Variants in RNF217 observed in about 807,000 individuals in gnomAD.
The protein encoded by RNF217 is ring finger protein 217.
Under a neutral mutation model 57.8 loss-of-function variants are expected in RNF217, and 31 were observed. The ratio of observed to expected loss-of-function variants is 0.54; its 90% CI spans 0.40 to 0.72. RNF217 has a LOEUF of 0.72. RNF217 is among the 30% of genes least tolerant of loss of function. RNF217 has a pLI of 0.00. For synonymous variants in RNF217, 313 were observed against 294.0 expected (o/e 1.06, Z -0.66); for missense variants, 696 against 708.3 (o/e 0.98, Z 0.20).
intron 1 of RNF217, among the ~76,000 whole-genome samples, chr6:125,043,886 A>G (rs1786984733): frequency 6.6e-6 from 1 of 152,016 alleles, no homozygotes; most frequent in African/African-American, 2.4e-5. Context: ...GTCAATACTA[A>G]TAAGGAGAAT....
At chr6:124,995,917 G>A (rs1479972433) in intron 1 of RNF217, among the ~76,000 whole-genome samples, 1 of 151,696 alleles carries the variant, frequency 6.6e-6, no homozygotes, top group Non-Finnish European at 1.5e-5. Context: ...CAAGACTCTT[G>A]TCTCAAAAAA....
chr6:125,040,505 C>G (rs1264927764), intron 1 of RNF217, among the ~76,000 whole-genome samples: 2 of 152,146 alleles, frequency 1.3e-5, no homozygotes. Context: ...TGAATTCTAC[C>G]AGAGGTACAG....
Position 125,027,033 on chromosome 6 carries a change from A to T in RNF217, c.883-18178A>T, listed in dbSNP as rs140414860. On this transcript the variant is annotated intron_variant, in intron 1 of 5. Coordinates refer to ENST00000521654, the MANE Select transcript of RNF217 (RefSeq NM_001286398.3). The stretch of plus-strand genomic sequence containing the variant: ...TATTTTTTAACATTTTTGTGGGTAC[A>T]TAGTAGGTGTATATATTTATGGAAT... 2.6e-3 allele frequency among the ~76,000 whole-genome samples: 397 copies of T among 151,996 alleles called. 3 individuals are homozygous for T. Among genetic ancestry groups the T allele is most frequent in the African/African-American group, 9.2e-3 (380 of 41,440 alleles).
Position 125,086,968 on chromosome 6 carries a change from A to T in RNF217, c.*4031A>T, listed in dbSNP as rs1357683133. 1 of 152,096 alleles carries T rather than the reference A, an allele frequency of 6.6e-6. No homozygotes were observed. Among genetic ancestry groups the T allele is most frequent in the Non-Finnish European group, 1.5e-5 (1 of 68,014 alleles). The allele number at this position is 152,096 out of a possible 1,614,324, so 9.4% of individuals were successfully genotyped here. On this transcript the variant is annotated 3_prime_UTR_variant, in exon 6 of 6. Transcript: ENST00000521654. ...TCCTAAAATACCTATGAACCACTGT[A>T]ATCATTTCCAGTCCCTGATGCCCCT...
intron 3 of RNF217, among the ~76,000 whole-genome samples, chr6:125,064,155 A>G (rs1415707857): frequency 6.6e-6 from 1 of 152,142 alleles, no homozygotes; most frequent in African/African-American, 2.4e-5. Flanking sequence ...GAGGCTGACT[A>G]CTTTCAAATA....
intron 1 of RNF217, among the ~76,000 whole-genome samples, chr6:124,969,191 C>T (rs567374488): frequency 5.3e-5 from 8 of 152,144 alleles, no homozygotes; most frequent in African/African-American, 1.9e-4. Context: ...AAATCTATTA[C>T]TTATTTCTTA....
chr6:125,009,226 G>A (rs370419265), intron 1 of RNF217: 5 of 1,605,658 alleles, frequency 3.1e-6, no homozygotes, highest in Non-Finnish European at 4.3e-6. Context: ...CAAAGCTGTT[G>A]TATAATTAGT....
intron 2 of RNF217, among the ~76,000 whole-genome samples, chr6:125,052,066 G>A (rs1787338809): frequency 6.6e-6 from 1 of 152,040 alleles, no homozygotes; most frequent in African/African-American, 2.4e-5. Context: ...ATTAGGGAGA[G>A]AGTACTTTTT....
intron 1 of RNF217, among the ~76,000 whole-genome samples, chr6:124,976,781 A>G (rs767561535): frequency 1.3e-5 from 2 of 152,206 alleles, no homozygotes; most frequent in South Asian, 2.1e-4. Flanking sequence ...CTGGGATTAC[A>G]GGTGTGAGCC....
chr6:125,047,539 T>C lies in RNF217; in HGVS notation c.1116+2095T>C, dbSNP rs192530576. On this transcript the variant is annotated intron_variant, in intron 2 of 5. Coordinates refer to ENST00000521654, the MANE Select transcript of RNF217 (RefSeq NM_001286398.3). ...CCAATGTCTATCAATTTGTTGTAGG[T>C]AAGAAGAGAAGCAGGGGCAAATGGA... is the stretch of plus-strand genomic sequence containing the variant. 1.2e-4 allele frequency among the ~76,000 whole-genome samples: 18 copies of C among 152,166 alleles called. 1 individual carries two copies. The highest frequency in any genetic ancestry group is 3.3e-4 in the Admixed American group (5 of 15,266).
intron 3 of RNF217, among the ~76,000 whole-genome samples, chr6:125,073,617 T>C (rs1246222117): frequency 6.6e-6 from 1 of 152,136 alleles, no homozygotes. Flanking sequence ...TCATGATTTG[T>C]TGGTAACTCT....
At chr6:124,965,084 T>A (rs1208310924) in intron 1 of RNF217, among the ~76,000 whole-genome samples, 1 of 152,132 alleles carries the variant, frequency 6.6e-6, no homozygotes, top group Non-Finnish European at 1.5e-5. Context: ...ACCTCATAAG[T>A]TAGTTTTAGG....
intron 1 of RNF217, among the ~76,000 whole-genome samples, chr6:124,968,073 T>C (rs7750072): frequency 0.58 from 88,844 of 152,034 alleles, 26,866 homozygotes; most frequent in East Asian, 0.74. Context: ...TGAGCCACCG[T>C]GCCTGGCCCC....
chr6:125,010,708 C>T (rs1457227732), intron 1 of RNF217, among the ~76,000 whole-genome samples: 2 of 152,072 alleles, frequency 1.3e-5, no homozygotes, highest in Non-Finnish European at 2.9e-5. Flanking sequence ...AGAAAGGGTA[C>T]TTTTTTGCTT....
At chr6:124,968,959 AATG>A (rs1783658227) in intron 1 of RNF217, among the ~76,000 whole-genome samples, 1 of 152,198 alleles carries the variant, frequency 6.6e-6, no homozygotes, top group Non-Finnish European at 1.5e-5. Context: ...ATACTCTATA[AATG>A]TATTAAATGT....
chr6:124,971,218 T>A (rs541123977), intron 1 of RNF217: 8 of 152,490 alleles, frequency 5.2e-5, no homozygotes, highest in African/African-American at 1.9e-4. Flanking sequence ...ATTTATAAGG[T>A]AAACTTATAT....
At chr6:125,060,793 A>G (rs905955031) in intron 3 of RNF217, among the ~76,000 whole-genome samples, 1 of 152,192 alleles carries the variant, frequency 6.6e-6, no homozygotes, top group Non-Finnish European at 1.5e-5. Flanking sequence ...ATAACATCAG[A>G]TAGAAATTTG....
intron 5 of RNF217, among the ~76,000 whole-genome samples, chr6:125,081,825 T>A (rs1184794431): frequency 6.6e-6 from 1 of 152,074 alleles, no homozygotes; most frequent in Non-Finnish European, 1.5e-5. Context: ...CCAAATTTTC[T>A]AATTCTGAGT....
intron 1 of RNF217, among the ~76,000 whole-genome samples, chr6:124,990,723 A>G (rs1784529564): frequency 6.6e-6 from 1 of 152,112 alleles, no homozygotes; most frequent in Non-Finnish European, 1.5e-5. Flanking sequence ...TCTAGCAGTA[A>G]AATCTTAACT....
Sources: allele counts gnomAD v4.1 joint callset (sites outside exome capture counted in the v4.1 genomes callset), GRCh38; gene constraint gnomAD v4.1.1; transcripts MANE v1.5; gene names NCBI Gene and HGNC (gene_info 2026-07-23, HGNC 2026-07-21).